The following ROBO1 variants were observed in gnomAD, a reference collection of about 807,000 sequenced individuals.
ROBO1 encodes roundabout guidance receptor 1, also known as roundabout homolog 1.
ROBO1 carries 149 observed loss-of-function variants against 195.9 expected under a neutral mutation model. The observed-to-expected ratio is 0.76, with a 90% CI of 0.67 to 0.87. ROBO1 has a LOEUF of 0.87. ROBO1 is among the 40% of genes least tolerant of loss of function. The pLI is 0.00. For synonymous variants in ROBO1, 816 were observed against 733.2 expected (o/e 1.11, Z -1.82); for missense variants, 1,933 against 2,068.3 (o/e 0.93, Z 1.27).
At chr3:79,666,497 G>A (rs1191363529) in intron 1 of ROBO1, among the ~76,000 whole-genome samples, 2 of 151,850 alleles carry the variant, frequency 1.3e-5, no homozygotes, top group Non-Finnish European at 2.9e-5. Flanking sequence ...ATTCCCACGT[G>A]TTGTAGGAGG....
At chr3:79,429,004 C>T (rs146017946) in intron 2 of ROBO1, among the ~76,000 whole-genome samples, 4 of 152,026 alleles carry the variant, frequency 2.6e-5, no homozygotes, top group Non-Finnish European at 5.9e-5. Flanking sequence ...TTGGGGATGA[C>T]GGAAATATTA....
At chr3:78,860,584 C>T (rs2034771912) in intron 4 of ROBO1, among the ~76,000 whole-genome samples, 1 of 151,976 alleles carries the variant, frequency 6.6e-6, no homozygotes, top group African/African-American at 2.4e-5. Flanking sequence ...ATGTAAGTAA[C>T]TAGTCTAACC....
rs57887981 is a variant in ROBO1, at chr3:79,500,119, C to CTT, written c.88+89703_88+89704dup. ...CATCCCATGCGGCAGTAAGTTTTCT[C>CTT]TTTTTTTTTTTTTTTTTTTTTTTTT... is the stretch of plus-strand genomic sequence containing the variant. On this transcript the variant is annotated intron_variant, in intron 2 of 30. Coordinates refer to ENST00000464233, the MANE Select transcript of ROBO1 (RefSeq NM_002941.4). Among the ~76,000 whole-genome samples the CTT allele has an allele frequency of 3.1e-3, 224 of 72,498 alleles. 12 individuals carry two copies. The highest frequency in any genetic ancestry group is 4.2e-3 in the Non-Finnish European group (169 of 40,662). The allele number at this position is 72,498 out of a possible 152,430, so 47.6% of individuals were successfully genotyped here.
intron 4 of ROBO1, among the ~76,000 whole-genome samples, chr3:78,913,063 G>A (rs1267617884): frequency 6.6e-6 from 1 of 151,938 alleles, no homozygotes; most frequent in South Asian, 2.1e-4. Context: ...ACCTTTATTT[G>A]AAAAATAAAA....
chr3:78,666,041 C>T (rs761884438), intron 14 of ROBO1, among the ~76,000 whole-genome samples: 4 of 151,968 alleles, frequency 2.6e-5, no homozygotes, highest in African/African-American at 9.7e-5. Context: ...CTGCTGTTCT[C>T]GTGATAGTGA....
At chr3:79,525,022 T>C (rs1941366829) in intron 2 of ROBO1, among the ~76,000 whole-genome samples, 1 of 151,892 alleles carries the variant, frequency 6.6e-6, no homozygotes, top group South Asian at 2.1e-4. Context: ...ACATATCTAT[T>C]AAATACTTGG....
chr3:79,059,219 A>G (rs921868119), intron 3 of ROBO1, among the ~76,000 whole-genome samples: 1 of 152,102 alleles, frequency 6.6e-6, no homozygotes, highest in East Asian at 1.9e-4. Context: ...AAGATAATTT[A>G]TCATTGGACA....
In ROBO1 at chr3:78,726,929, T is replaced by C. The variant is rs976580684; in HGVS notation, c.658-9046A>G. ...AACAACAGTAACAATCCAGAAAAAA[T>C]AACTTGTTTGAGGAGGGTGCAGAGA... On this transcript the variant is annotated intron_variant, in intron 5 of 30. Coordinates refer to ENST00000464233, the MANE Select transcript of ROBO1 (RefSeq NM_002941.4). Among the ~76,000 whole-genome samples the C allele has an allele frequency of 2.6e-5, 4 of 151,900 alleles. No individual in the cohort carries two copies. The South Asian group carries it at 8.3e-4, about 32-fold the overall frequency.
chr3:79,629,157 A>G (rs540364231), intron 1 of ROBO1, among the ~76,000 whole-genome samples: 2 of 152,248 alleles, frequency 1.3e-5, no homozygotes, highest in African/African-American at 4.8e-5. Context: ...TGGGCCTACT[A>G]GACATTTTCA....
At chr3:79,470,204 T>C (rs999922527) in intron 2 of ROBO1, among the ~76,000 whole-genome samples, 12 of 152,094 alleles carry the variant, frequency 7.9e-5, no homozygotes, top group Non-Finnish European at 1.8e-4. Context: ...ATGTGGCACA[T>C]ATACACCATG....
intron 2 of ROBO1, among the ~76,000 whole-genome samples, chr3:79,385,816 A>G (rs1224339486): frequency 6.6e-6 from 1 of 152,176 alleles, no homozygotes. Context: ...GAAAAACTCA[A>G]TGGAGATAGT....
chr3:78,659,987 C>G (rs936753030), intron 16 of ROBO1, 180 bp from the exon 17 acceptor site: 5 of 357,318 alleles, frequency 1.4e-5, no homozygotes, highest in African/African-American at 9.7e-5. Flanking sequence ...GTGACATGAT[C>G]TCGGCTCACT....
intron 2 of ROBO1, among the ~76,000 whole-genome samples, chr3:79,388,274 A>T (rs761352628): frequency 6.6e-6 from 1 of 152,136 alleles, no homozygotes; most frequent in Non-Finnish European, 1.5e-5. Context: ...ATATTTATGC[A>T]ACTACCCAAA....
At chr3:78,696,704 ATATATATACACG>A (rs1410530901) in intron 8 of ROBO1, among the ~76,000 whole-genome samples, 6 of 147,916 alleles carry the variant, frequency 4.1e-5, no homozygotes, top group South Asian at 2.1e-4. Flanking sequence ...ATATATACAC[ATATATATACACG>A]TATATATACA....
chr3:79,093,733 C>T (rs921417498), intron 3 of ROBO1, among the ~76,000 whole-genome samples: 4 of 151,622 alleles, frequency 2.6e-5, no homozygotes, highest in Non-Finnish European at 5.9e-5. Context: ...ATATAGAATA[C>T]AGAAGTTGTA....
chr3:79,040,682 C>A (rs1041634908), intron 3 of ROBO1, among the ~76,000 whole-genome samples: 1 of 152,026 alleles, frequency 6.6e-6, no homozygotes, highest in Non-Finnish European at 1.5e-5. Context: ...TTACTCTATA[C>A]CCCTTGTTGT....
At chr3:79,127,678 G>C (rs1003082017) in intron 2 of ROBO1, among the ~76,000 whole-genome samples, 1 of 152,158 alleles carries the variant, frequency 6.6e-6, no homozygotes, top group Non-Finnish European at 1.5e-5. Flanking sequence ...TTCTTCCTGA[G>C]AATGGGGATA....
intron 3 of ROBO1, among the ~76,000 whole-genome samples, chr3:79,121,823 G>T (rs1288361037): frequency 6.6e-6 from 1 of 151,892 alleles, no homozygotes; most frequent in Non-Finnish European, 1.5e-5. Context: ...AAGGAATAAT[G>T]TTAAATTCCT....
chr3:79,390,964 G>T (rs190459267), intron 2 of ROBO1, among the ~76,000 whole-genome samples: 58 of 152,122 alleles, frequency 3.8e-4, no homozygotes, highest in Admixed American at 1.8e-3. Flanking sequence ...ATACCCCAAA[G>T]CACTGCTTTA....
Sources: gnomAD v4.1 joint callset for allele counts (sites outside exome capture counted in the v4.1 genomes callset) on GRCh38, gnomAD v4.1.1 for gene constraint, MANE v1.5 for transcripts, NCBI Gene and HGNC (gene_info 2026-07-23, HGNC 2026-07-21) for gene names.